Variants in PRRX1 observed in about 807,000 individuals in gnomAD.
PRRX1 encodes the protein paired mesoderm homeobox protein 1.
A neutral mutation model predicts 24.0 loss-of-function variants in PRRX1; 8 were observed. That is an observed-to-expected ratio of 0.33 (90% CI 0.20 to 0.60). The LOEUF is 0.60. PRRX1 is among the 20% of genes least tolerant of loss of function. The pLI, the probability that PRRX1 is intolerant of heterozygous loss-of-function variation, is 0.82. For missense variants in PRRX1, 281 were observed against 322.4 expected, an observed-to-expected ratio of 0.87 and a Z score of 0.98; for synonymous variants, 160 against 131.7, an observed-to-expected ratio of 1.22 and a Z score of -1.47.
intron 1 of PRRX1, among the ~76,000 whole-genome samples, chr1:170,672,927 C>T (rs562150509): frequency 2.0e-5 from 3 of 152,144 alleles, no homozygotes; most frequent in South Asian, 2.1e-4. Flanking sequence ...AGCAGTTTGC[C>T]GAAAATCTGT....
At chr1:170,676,955 A>G (rs1653341848) in intron 1 of PRRX1, among the ~76,000 whole-genome samples, 1 of 152,158 alleles carries the variant, frequency 6.6e-6, no homozygotes, top group Admixed American at 6.5e-5. Flanking sequence ...GGTTGGAAAG[A>G]GATTGTGTTT....
chr1:170,722,138 A>G (rs933648923), intron 2 of PRRX1, among the ~76,000 whole-genome samples: 1 of 152,144 alleles, frequency 6.6e-6, no homozygotes, highest in Non-Finnish European at 1.5e-5. Context: ...TTCCTAAGTG[A>G]GTAGGGCAGA....
intron 1 of PRRX1, among the ~76,000 whole-genome samples, chr1:170,675,118 G>T (rs775718673): frequency 1.6e-4 from 25 of 152,194 alleles, no homozygotes; most frequent in Non-Finnish European, 3.7e-4. Context: ...GTTCTCCAAG[G>T]ATTGTGAAAG....
At chr1:170,713,304 C>T (rs544476516) in intron 1 of PRRX1, among the ~76,000 whole-genome samples, 14 of 152,200 alleles carry the variant, frequency 9.2e-5, no homozygotes, top group Admixed American at 9.2e-4. Context: ...TCAACATAGC[C>T]TCAGAAGTAA....
chr1:170,724,894 G>T (rs1056538814), intron 2 of PRRX1, among the ~76,000 whole-genome samples: 1 of 152,130 alleles, frequency 6.6e-6, no homozygotes, highest in African/African-American at 2.4e-5. Flanking sequence ...TTGTGATATT[G>T]ATTCTTCCTA....
At chr1:170,699,236 A>G (rs1654272780) in intron 1 of PRRX1, among the ~76,000 whole-genome samples, 1 of 152,182 alleles carries the variant, frequency 6.6e-6, no homozygotes, top group South Asian at 2.1e-4. Flanking sequence ...CCGGCTGCCA[A>G]TTTCAGCACA....
intron 1 of PRRX1, among the ~76,000 whole-genome samples, chr1:170,694,818 G>C (rs142344892): frequency 6.6e-6 from 1 of 152,176 alleles, no homozygotes; most frequent in African/African-American, 2.4e-5. Flanking sequence ...TGCTTGAAGT[G>C]GCCTTATAGA....
intron 1 of PRRX1, among the ~76,000 whole-genome samples, chr1:170,697,968 C>T (rs1036141506): frequency 6.6e-6 from 1 of 151,560 alleles, no homozygotes; most frequent in African/African-American, 2.4e-5. Flanking sequence ...TATTCCACCT[C>T]CCCATCATCA....
chr1:170,689,343 C>A (rs1221277192), intron 1 of PRRX1, among the ~76,000 whole-genome samples: 1 of 152,048 alleles, frequency 6.6e-6, no homozygotes, highest in Non-Finnish European at 1.5e-5. Flanking sequence ...AATGAATGAA[C>A]AATATTCCTG....
At chr1:170,672,577 G>A (rs756774495) in intron 1 of PRRX1, among the ~76,000 whole-genome samples, 6 of 152,180 alleles carry the variant, frequency 3.9e-5, no homozygotes, top group Non-Finnish European at 7.3e-5. Flanking sequence ...ACAGATGGGT[G>A]ATCCCAGTCC....
intron 1 of PRRX1, among the ~76,000 whole-genome samples, chr1:170,688,877 G>T (rs964213609): frequency 1.3e-5 from 2 of 151,974 alleles, no homozygotes. Flanking sequence ...ATAATTTTGT[G>T]CTGACTCAAG....
intron 1 of PRRX1, among the ~76,000 whole-genome samples, chr1:170,694,879 A>C (rs962287228): frequency 3.3e-5 from 5 of 152,154 alleles, no homozygotes; most frequent in African/African-American, 1.2e-4. Flanking sequence ...TTTTAAAATA[A>C]CGGTAGACTT....
chr1:170,667,299 C>CGT (rs1466588089), intron 1 of PRRX1: 3 of 119,646 alleles, frequency 2.5e-5, no homozygotes, highest in Non-Finnish European at 5.1e-5. Flanking sequence ...AACACACACG[C>CGT]GCGCGCGCGC....
intron 2 of PRRX1, among the ~76,000 whole-genome samples, chr1:170,721,534 A>G (rs936249813): frequency 3.3e-5 from 5 of 152,152 alleles, no homozygotes; most frequent in Non-Finnish European, 7.4e-5. Context: ...TCCCACGGGG[A>G]AACAGGGACC....
chr1:170,693,738 G>A lies in PRRX1; in HGVS notation c.242-25988G>A, dbSNP rs116188067. On this transcript the variant is annotated intron_variant, in intron 1 of 3. Coordinates refer to ENST00000239461, the MANE Select transcript of PRRX1 (RefSeq NM_022716.4). ...TCTTTGGAAGTTGGATCGAAAAGATGAGAAGCTCAGACCTTGAATCAGACT... is the reference window on the plus strand; with the variant it reads ...TCTTTGGAAGTTGGATCGAAAAGATAAGAAGCTCAGACCTTGAATCAGACT... 4.2e-3 allele frequency among the ~76,000 whole-genome samples: 639 copies of A among 152,156 alleles called. 4 individuals carry two copies. The highest frequency in any genetic ancestry group is 0.014 in the African/African-American group (587 of 41,540).
chr1:170,733,503 A>C (rs757284377), intron 3 of PRRX1, among the ~76,000 whole-genome samples: 15 of 152,098 alleles, frequency 9.9e-5, no homozygotes, highest in Non-Finnish European at 1.8e-4. Context: ...GGGATGAGAA[A>C]ATTTTTCTTT....
intron 1 of PRRX1, among the ~76,000 whole-genome samples, chr1:170,680,812 A>G (rs1387192514): frequency 6.6e-6 from 1 of 152,222 alleles, no homozygotes; most frequent in African/African-American, 2.4e-5. Context: ...CCTGGTTTAA[A>G]TAAAATACAA....
rs530132223 is a variant in PRRX1, at chr1:170,712,556, C to T, written c.242-7170C>T. On this transcript the variant is annotated intron_variant, in intron 1 of 3. Transcript: ENST00000239461. ...TAAAGGTACAGCAGCAATGGCTTGA[C>T]CAGCCCATTTTTGAGAACACATTAT... is the stretch of plus-strand genomic sequence containing the variant. Among the ~76,000 whole-genome samples, 205 of 152,286 alleles carry T rather than the reference C, an allele frequency of 1.3e-3. 1 individual carries two copies. Among genetic ancestry groups the T allele is most frequent in the African/African-American group, 4.6e-3 (191 of 41,556 alleles).
intron 1 of PRRX1, among the ~76,000 whole-genome samples, chr1:170,671,162 A>G (rs2101884956): frequency 6.6e-6 from 1 of 152,338 alleles, no homozygotes; most frequent in Admixed American, 6.5e-5. Context: ...TCACCGAGTT[A>G]CTGTGAAGTG....
Sources: gnomAD v4.1 joint callset for allele counts (sites outside exome capture counted in the v4.1 genomes callset) on GRCh38, gnomAD v4.1.1 for gene constraint, MANE v1.5 for transcripts, NCBI Gene and HGNC (gene_info 2026-07-23, HGNC 2026-07-21) for gene names.